Variants in PCDHGB4 observed in about 807,000 individuals in gnomAD.
The protein encoded by PCDHGB4 is protocadherin gamma subfamily B, 4.
In PCDHGB4, 38 loss-of-function variants were observed where a neutral mutation model predicts 60.5. That is an observed-to-expected ratio of 0.63 (90% CI 0.48 to 0.82). The LOEUF is 0.82. Ranked by LOEUF, PCDHGB4 falls within the 40% of genes least tolerant of loss-of-function variation. The probability of loss-of-function intolerance (pLI) is 0.00; values close to 1 mark genes in which losing one functional copy is unlikely to be tolerated. For missense variants in PCDHGB4, 1,109 were observed against 1,209.6 expected, an observed-to-expected ratio of 0.92 and a Z score of 1.23; for synonymous variants, 456 against 509.7, an observed-to-expected ratio of 0.89 and a Z score of 1.42.
intron 1 of PCDHGB4, among the ~76,000 whole-genome samples, chr5:141,446,153 AT>A (rs1158236808): frequency 1.3e-5 from 2 of 152,362 alleles, no homozygotes; most frequent in East Asian, 3.9e-4. Flanking sequence ...TAGGTGGAAT[AT>A]AAATTTCATG....
At chr5:141,393,671 A>G in intron 1 of PCDHGB4, 1 of 1,613,944 alleles carries the variant, frequency 6.2e-7, no homozygotes, top group Non-Finnish European at 8.5e-7. Flanking sequence ...AAATTAATGA[A>G]AAACAAACTC....
intron 1 of PCDHGB4, chr5:141,426,204 T>C (rs10046053): frequency 0.11 from 17,599 of 155,696 alleles, 1,197 homozygotes; most frequent in African/African-American, 0.19. Flanking sequence ...TTGAGTTTTC[T>C]ATGTATGGAA....
At chr5:141,404,320 C>T (rs577477279) in intron 1 of PCDHGB4, 8 of 1,613,920 alleles carry the variant, frequency 5.0e-6, no homozygotes, top group Admixed American at 1.7e-5. Flanking sequence ...CTCAAGCCTC[C>T]TACTCAGTCT....
At chr5:141,424,526 T>C (rs1020206614) in intron 1 of PCDHGB4, 2 of 152,216 alleles carry the variant, frequency 1.3e-5, no homozygotes, top group Non-Finnish European at 2.9e-5. Context: ...AGTAAATCCA[T>C]ATATAGAAAT....
chr5:141,479,679 T>A (rs1211872684), intron 1 of PCDHGB4: 1 of 152,258 alleles, frequency 6.6e-6, no homozygotes, highest in East Asian at 1.9e-4. Flanking sequence ...AAGGAGAGTC[T>A]TTTTGGTGCC....
chr5:141,421,243 C>A (rs201273667), intron 1 of PCDHGB4: 1 of 1,601,658 alleles, frequency 6.2e-7, no homozygotes. Flanking sequence ...GAATCGGCTA[C>A]AGCGCGGGGA....
intron 1 of PCDHGB4, chr5:141,404,496 A>G (rs773471878): frequency 2.7e-5 from 43 of 1,613,778 alleles, no homozygotes; most frequent in East Asian, 2.2e-5. Context: ...GGTGTGCTGT[A>G]TGCTCTGTGC....
At position 141,485,227 on chromosome 5, in the gene PCDHGB4, G is replaced by C. The variant is rs2099609828; in HGVS notation, c.2398-9580G>C. 1 of 1,614,186 alleles carries C rather than the reference G, an allele frequency of 6.2e-7. No individual in the cohort carries two copies. Among genetic ancestry groups the C allele is most frequent in the Non-Finnish European group, 8.5e-7 (1 of 1,180,020 alleles). On this transcript the variant is annotated intron_variant, in intron 1 of 3. Transcript: ENST00000519479. The surrounding 1 kb of genome is among the most constrained non-coding windows in gnomAD (Gnocchi z 5.7). The stretch of plus-strand genomic sequence containing the variant: ...AAATCTGGCGGTGGGCTACCCTTTT[G>C]TTCCTCTTTTACCACCTGGGTTACG...
chr5:141,410,561 G>T (rs201832666), intron 1 of PCDHGB4: 171 of 1,612,580 alleles, frequency 1.1e-4, no homozygotes, highest in Admixed American at 2.7e-4. Context: ...TTCTCCTGGA[G>T]CCTTAATTCC....
chr5:141,389,916 G>C lies in PCDHGB4; in HGVS notation c.2032G>C (p.Asp678His), dbSNP rs747654268. 3.1e-6 allele frequency: 5 copies of C among 1,613,904 alleles called. No individual in the cohort carries two copies. In the African/African-American group the frequency reaches 6.7e-5, roughly 22 times the overall value. ...GCTGCCGGATATCACTGACCGCCCC[G>C]ACCCCTCTGACCTCCAGGCTGAGCT... ...EVLPDITDRP[D>H]PSDLQAELQF... Residue 678 changes from aspartate to histidine, a missense_variant, in exon 1 of 4, where the codon GAC becomes CAC. Transcript: ENST00000519479.
chr5:141,423,628 A>G (rs1272272666), intron 1 of PCDHGB4: 2 of 1,604,848 alleles, frequency 1.2e-6, no homozygotes, highest in African/African-American at 1.3e-5. Context: ...CTCAGCTATC[A>G]TTTTAGGCAA....
At chr5:141,396,826 T>C (rs2150684125) in intron 1 of PCDHGB4, among the ~76,000 whole-genome samples, 1 of 152,342 alleles carries the variant, frequency 6.6e-6, no homozygotes, top group South Asian at 2.1e-4. Flanking sequence ...ATGGTGCATA[T>C]TCAGTGGAGT....
At position 141,388,521 on chromosome 5, in the gene PCDHGB4, A is replaced by T. The variant is rs978300482; in HGVS notation, c.637A>T (p.Thr213Ser). The T allele has an allele frequency of 1.2e-6, 2 of 1,613,722 alleles. No individual in the cohort carries two copies. The highest frequency in any genetic ancestry group is 2.7e-5 in the African/African-American group (2 of 74,904). ...GCAGAAATCCTACCACTTGACTTTGACTGCCTTGGACTTTGGAGCTCCACC... is the reference window on the plus strand; with the variant it reads ...GCAGAAATCCTACCACTTGACTTTGTCTGCCTTGGACTTTGGAGCTCCACC... ...EKQKSYHLTL[T>S]ALDFGAPPLS... The change falls in exon 1 of 4, where the codon ACT becomes TCT. Residue 213 changes from threonine (T) to serine (S), a missense_variant. Around this residue, in one of 2 missense-constraint regions of PCDHGB4, gnomAD observed 1,068 missense variants for 1,089.9 expected, o/e 0.98. Coordinates refer to ENST00000519479, the MANE Select transcript of PCDHGB4 (RefSeq NM_003736.4).
intron 1 of PCDHGB4, chr5:141,414,449 C>T (rs1223779483): frequency 6.2e-7 from 1 of 1,613,730 alleles, no homozygotes; most frequent in Non-Finnish European, 8.5e-7. Context: ...TACAATATCA[C>T]AGTGACAGCC....
chr5:141,487,196 G>A lies in PCDHGB4; in HGVS notation c.2398-7611G>A. On this transcript the variant is annotated intron_variant, in intron 1 of 3. Coordinates refer to ENST00000519479, the MANE Select transcript of PCDHGB4 (RefSeq NM_003736.4). This position sits in a 1 kb window ranked among gnomAD's most constrained non-coding sequence, Gnocchi z 5.0. Reference sequence around the variant, plus strand: ...GGAAGACACTCATCCAGTTGTCCCAGATCTTCGAGAATCTTCAGCTCCAAG... The same window carrying A: ...GGAAGACACTCATCCAGTTGTCCCAAATCTTCGAGAATCTTCAGCTCCAAG... The A allele has an allele frequency of 1.2e-6, 2 of 1,613,878 alleles. No homozygotes were observed. The highest frequency in any genetic ancestry group is 8.5e-7 in the Non-Finnish European group (1 of 1,179,796).
chr5:141,430,399 T>G (rs2097282187), intron 1 of PCDHGB4, among the ~76,000 whole-genome samples: 1 of 150,106 alleles, frequency 6.7e-6, no homozygotes, highest in Admixed American at 6.6e-5. Flanking sequence ...AAAAAAAAGC[T>G]CACTAAAGTT....
intron 1 of PCDHGB4, among the ~76,000 whole-genome samples, chr5:141,447,975 A>G (rs1352829510): frequency 6.6e-6 from 1 of 151,928 alleles, no homozygotes; most frequent in Non-Finnish European, 1.5e-5. Flanking sequence ...AATCCCAGCT[A>G]CTCGGGAGGC....
chr5:141,393,127 A>T (rs766823317), intron 1 of PCDHGB4: 14 of 1,613,320 alleles, frequency 8.7e-6, no homozygotes, highest in Non-Finnish European at 1.2e-5. Flanking sequence ...TGTCTGATAA[A>T]TATTAACACC....
At chr5:141,405,145 G>A (rs772542898) in intron 1 of PCDHGB4, 4 of 1,613,952 alleles carry the variant, frequency 2.5e-6, no homozygotes, top group African/African-American at 2.7e-5. Context: ...CCAGTGATGG[G>A]TTGGCTGGTG....
Sources: gnomAD v4.1 joint callset for allele counts (sites outside exome capture counted in the v4.1 genomes callset) on GRCh38, gnomAD v4.1.1 for gene constraint, gnomAD v4.1.1 regional missense constraint, Gnocchi (gnomAD v3.1) non-coding constraint, MANE v1.5 for transcripts, NCBI Gene and HGNC (gene_info 2026-07-23, HGNC 2026-07-21) for gene names.